The following RBM12 variants were observed in gnomAD, a reference collection of about 807,000 sequenced individuals.
RBM12 encodes the protein RNA-binding protein 12.
In RBM12, 24 loss-of-function variants were observed where a neutral mutation model predicts 37.2. That is an observed-to-expected ratio of 0.65 (90% confidence interval 0.47 to 0.91). The LOEUF (loss-of-function observed/expected upper bound fraction) is 0.91. RBM12 is among the 40% of genes least tolerant of loss of function. The probability of loss-of-function intolerance (pLI) is 0.00; values close to 1 mark genes in which losing one functional copy is unlikely to be tolerated. For synonymous variants in RBM12, 420 were observed against 425.2 expected, an observed-to-expected ratio of 0.99 and a Z score of 0.15; for missense variants, 1,061 against 1,183.2, an observed-to-expected ratio of 0.90 and a Z score of 1.52.
rs149705870 is a variant in RBM12 at position 35,653,873 on chromosome 20, A to G, written c.1450T>C (p.Tyr484His). 11 of 1,614,126 alleles carry G rather than the reference A, an allele frequency of 6.8e-6. No homozygotes were observed. The highest frequency in any genetic ancestry group is 3.3e-4 in the Middle Eastern group (2 of 6,062). The change falls in exon 3 of 3, where the codon TAT (tyrosine) becomes CAT (histidine). Residue 484 changes from tyrosine to histidine, a missense_variant. Physicochemically the swap from Tyr to His is moderately conservative, Grantham distance 83. Transcript: ENST00000374114. ...GFVEFRNEAD[Y>H]KAALCRHKQY... ...TTATGACGACACAGAGCAGCCTTAT[A>G]GTCAGCCTCATTTCTGAACTCTACA...
In RBM12 at chr20:35,652,685, G is replaced by C. The variant is rs2033603372; in HGVS notation, c.2638C>G (p.Gln880Glu). 6.2e-7 allele frequency: 1 copy of C among 1,614,092 alleles called. No individual in the cohort carries two copies. Among genetic ancestry groups the C allele is most frequent in the Non-Finnish European group, 8.5e-7 (1 of 1,179,932 alleles). The change falls in exon 3 of 3, where the codon CAA (glutamine) becomes GAA (glutamate). Residue 880 changes from glutamine to glutamate, a missense_variant. Physicochemically the swap from Gln to Glu is conservative, Grantham distance 29 (BLOSUM62 2). Around this residue, in one of 3 missense-constraint regions of RBM12, gnomAD observed 517 missense variants for 534.0 expected, o/e 0.97. Coordinates refer to ENST00000374114, the MANE Select transcript of RBM12 (RefSeq NM_006047.6). Reference sequence around the variant, plus strand: ...AAACACACTGAGCCTGGGATTACTTGATAGCCATAAAAGAAATCTAAAATC... The same window carrying C: ...AAACACACTGAGCCTGGGATTACTTCATAGCCATAAAAGAAATCTAAAATC... ...DEILDFFYGY[Q>E]VIPGSVCLKY...
chr20:35,661,860 G>C (rs945856988), intron 1 of RBM12, among the ~76,000 whole-genome samples: 1 of 152,114 alleles, frequency 6.6e-6, no homozygotes, highest in Non-Finnish European at 1.5e-5. Context: ...TAATCAACAA[G>C]AACCAGGGTA....
In RBM12 at chr20:35,650,360, A is replaced by T. The variant is rs2146335105; in HGVS notation, c.*2164T>A. On this transcript the variant is annotated 3_prime_UTR_variant, in exon 3 of 3. Coordinates refer to ENST00000374114, the MANE Select transcript of RBM12 (RefSeq NM_006047.6). ...TGAAATATTTAATAAGAATGTACGA[A>T]CATATAACCAAAATAAATTGTGAAA... The T allele has an allele frequency of 6.6e-6, 1 of 152,532 alleles. No homozygotes were observed. The highest frequency in any genetic ancestry group is 2.1e-4 in the South Asian group (1 of 4,830). 9.4% of individuals were successfully genotyped at this position (152,532 alleles called of 1,614,324 possible). A position where few individuals can be genotyped will look rare whatever the true frequency, so the allele number is the denominator to read the frequency against.
In RBM12 at chr20:35,655,012, C is replaced by T. The variant is rs1460035818; in HGVS notation, c.311G>A (p.Arg104Lys). 6.2e-7 allele frequency: 1 copy of T among 1,614,180 alleles called. No homozygotes were observed. The highest frequency in any genetic ancestry group is 1.1e-5 in the South Asian group (1 of 91,080). The part of the protein sequence containing the change: ...NLDIPPANAS[R>K]SGPPPSSGMS... ...TCCTGAGCTAGGTGGTGGTCCTGAT[C>T]TACTGGCATTTGCTGGTGGTATATC... Residue 104 changes from arginine to lysine, a missense_variant, in exon 3 of 3, where the codon AGA becomes AAA. Physicochemically the swap from Arg to Lys is conservative, Grantham distance 26. This residue lies in a region of RBM12 where 540 missense variants were observed against 632.7 expected (regional missense o/e 0.85). Coordinates refer to ENST00000374114, the MANE Select transcript of RBM12 (RefSeq NM_006047.6).
Position 35,661,431 on chromosome 20 carries a change from T to C in RBM12, c.-107-2417A>G, listed in dbSNP as rs576425162. Among the ~76,000 whole-genome samples the C allele has an allele frequency of 7.2e-5, 11 of 152,206 alleles. No homozygotes were observed. The South Asian group carries it at 1.9e-3, about 26-fold the overall frequency. On this transcript the variant is annotated intron_variant, in intron 1 of 2. Coordinates refer to ENST00000374114, the MANE Select transcript of RBM12 (RefSeq NM_006047.6). ...AAAATAATAACTAAACAATAAAACA[T>C]CTAAAATACATATTCTATCTATACA... is the stretch of plus-strand genomic sequence containing the variant.
rs748495688 is a variant in RBM12 at position 35,652,930 on chromosome 20, C to T, written c.2393G>A (p.Ser798Asn). 5 of 1,613,796 alleles carry T rather than the reference C, an allele frequency of 3.1e-6. No homozygotes were observed. The highest frequency in any genetic ancestry group is 4.2e-6 in the Non-Finnish European group (5 of 1,180,036). Reference protein sequence around the residue: ...GPQNFGNGPGSLGGPPGFGSG... With the variant: ...GPQNFGNGPGNLGGPPGFGSG... Reference sequence around the variant, plus strand: ...TCCAAACCCCGGGGGACCGCCTAAGCTACCAGGGCCATTTCCAAAATTCTG... The same window carrying T: ...TCCAAACCCCGGGGGACCGCCTAAGTTACCAGGGCCATTTCCAAAATTCTG... Residue 798 changes from serine (S) to asparagine (N), a missense_variant, in exon 3 of 3, where the codon AGC (serine) becomes AAC (asparagine). This residue lies in a region of RBM12 where 517 missense variants were observed against 534.0 expected (regional missense o/e 0.97). Coordinates refer to ENST00000374114, the MANE Select transcript of RBM12 (RefSeq NM_006047.6).
At position 35,654,497 on chromosome 20, in the gene RBM12, A is replaced by T. The variant is rs772913796; in HGVS notation, c.826T>A (p.Phe276Ile). The T allele has an allele frequency of 1.2e-6, 2 of 1,614,222 alleles. No individual in the cohort carries two copies. The highest frequency in any genetic ancestry group is 1.7e-6 in the Non-Finnish European group (2 of 1,180,038). Residue 276 changes from phenylalanine (F) to isoleucine (I), a missense_variant, in exon 3 of 3, where the codon TTT (phenylalanine) becomes ATT (isoleucine). Transcript: ENST00000374114. ...MNLNNNLNPM[F>I]LGPLNPVNPI... is the part of the protein sequence containing the mutation. ...TTAACAGGATTCAACGGACCAAGAA[A>T]CATAGGATTCAGATTATTGTTCAAA...
chr20:35,664,153 C>T (rs896467590), intron 1 of RBM12, among the ~76,000 whole-genome samples: 146 of 152,196 alleles, frequency 9.6e-4, no homozygotes, highest in African/African-American at 3.5e-3. Context: ...CAGCAATGGA[C>T]CTCGGAGGCA....
At chr20:35,660,963 G>A (rs2034201471) in intron 1 of RBM12, among the ~76,000 whole-genome samples, 1 of 152,172 alleles carries the variant, frequency 6.6e-6, no homozygotes, top group Non-Finnish European at 1.5e-5. Flanking sequence ...ACCTTTAAAA[G>A]GAAGATATTT....
chr20:35,652,784 C>A lies in RBM12; in HGVS notation c.2539G>T (p.Ala847Ser). Reference sequence around the variant, plus strand: ...GGTCCTGGTTTTCCAGAACTAGATGCAAAGCCAGGGGGACCACCAATATGG... The same window carrying A: ...GGTCCTGGTTTTCCAGAACTAGATGAAAAGCCAGGGGGACCACCAATATGG... ...PIHIGGPPGFASSSGKPGPTV... is the reference protein window; with the variant it reads ...PIHIGGPPGFSSSSGKPGPTV... Residue 847 changes from alanine to serine, a missense_variant, in exon 3 of 3, where the codon GCA becomes TCA. This residue lies in a region of RBM12 where 517 missense variants were observed against 534.0 expected (regional missense o/e 0.97). Transcript: ENST00000374114. 2 of 1,610,618 alleles carry A rather than the reference C, an allele frequency of 1.2e-6. No individual in the cohort carries two copies. The highest frequency in any genetic ancestry group is 1.7e-6 in the Non-Finnish European group (2 of 1,178,034).
chr20:35,657,562 T>C (rs932781287), intron 2 of RBM12, among the ~76,000 whole-genome samples: 2 of 152,136 alleles, frequency 1.3e-5, no homozygotes, highest in Non-Finnish European at 2.9e-5. Context: ...TAAAGTGACA[T>C]ACACAGTTAA....
rs760094299 is a variant in RBM12, at chr20:35,654,915, G to C, written c.408C>G (p.Ala136=). 1 of 1,614,118 alleles carries C rather than the reference G, an allele frequency of 6.2e-7. No individual in the cohort carries two copies. Among genetic ancestry groups the C allele is most frequent in the East Asian group, 2.2e-5 (1 of 44,892 alleles). Residue 136 remains alanine, a synonymous_variant, in exon 3 of 3, where the codon GCC becomes GCG. Transcript: ENST00000374114. ...FNNPSPSVVT[A]TTSVHESNKN... is the part of the protein sequence containing the mutation. ...TGTTGCTTTCATGAACAGAAGTGGTGGCAGTAACTACACTGGGTGATGGAT... is the reference window on the plus strand; with the variant it reads ...TGTTGCTTTCATGAACAGAAGTGGTCGCAGTAACTACACTGGGTGATGGAT...
intron 2 of RBM12, among the ~76,000 whole-genome samples, chr20:35,655,906 A>G (rs1439873146): frequency 6.6e-6 from 1 of 152,244 alleles, no homozygotes; most frequent in Non-Finnish European, 1.5e-5. Context: ...AGTAGATTCA[A>G]GTCTTAAATG....
At chr20:35,661,884 T>G (rs2034248824) in intron 1 of RBM12, among the ~76,000 whole-genome samples, 2 of 152,204 alleles carry the variant, frequency 1.3e-5, no homozygotes, top group Admixed American at 1.3e-4. Context: ...CAGAGCTAGG[T>G]TCTTCAGATC....
At position 35,655,116 on chromosome 20, in the gene RBM12, T is replaced by A. The variant is rs570849000; in HGVS notation, c.207A>T (p.Val69=). ...CCGTCTTACTACTCAACAATAGTGTTACTTTTGACCCTTTAATTGTACCAC... is the reference window on the plus strand; with the variant it reads ...CCGTCTTACTACTCAACAATAGTGTAACTTTTGACCCTTTAATTGTACCAC... ...RTGGTIKGSK[V]TLLLSSKTEM... is the part of the protein sequence containing the mutation. Residue 69 remains valine, a synonymous_variant, in exon 3 of 3, where the codon GTA becomes GTT. Coordinates refer to ENST00000374114, the MANE Select transcript of RBM12 (RefSeq NM_006047.6). 3.5e-5 allele frequency: 57 copies of A among 1,614,210 alleles called. 2 individuals are homozygous for A. In the South Asian group the frequency reaches 5.4e-4, roughly 15 times the overall value.
Position 35,652,818 on chromosome 20 carries a change from AGGGCCGGGGCCGGGGCCG to A in RBM12, c.2487_2504del (p.Gly832_Pro837del). 6.2e-7 allele frequency: 1 copy of A among 1,602,570 alleles called. No individual in the cohort carries two copies. Among genetic ancestry groups the A allele is most frequent in the Non-Finnish European group, 8.5e-7 (1 of 1,174,128 alleles). On this transcript the variant is annotated inframe_deletion, in exon 3 of 3. Transcript: ENST00000374114. Reference sequence around the variant, plus strand: ...GGGGACCACCAATATGGATTGGGCCAGGGCCGGGGCCGGGGCCGGGGCCAGGCCCAAAAGCTGGTGGCC... The same window carrying A: ...GGGGACCACCAATATGGATTGGGCCAGGGCCAGGCCCAAAAGCTGGTGGCC...
rs1555879551 is a variant in RBM12, at chr20:35,650,535, ATTAACT to A, written c.*1983_*1988del. ...TTGGAATGAGAAATGATTACTTAAC[ATTAACT>A]TAAATTAAACAGCATATACAAACGT... On this transcript the variant is annotated 3_prime_UTR_variant, in exon 3 of 3. Coordinates refer to ENST00000374114, the MANE Select transcript of RBM12 (RefSeq NM_006047.6). The A allele has an allele frequency of 6.6e-6, 1 of 152,576 alleles. No homozygotes were observed. Among genetic ancestry groups the A allele is most frequent in the Non-Finnish European group, 1.5e-5 (1 of 67,980 alleles). 9.5% of individuals were successfully genotyped at this position (152,576 alleles called of 1,614,324 possible).
At position 35,653,387 on chromosome 20, in the gene RBM12, T is replaced by C; in HGVS notation, c.1936A>G (p.Asn646Asp). 1.2e-6 allele frequency: 2 copies of C among 1,614,182 alleles called. No individual in the cohort carries two copies. Among genetic ancestry groups the C allele is most frequent in the Non-Finnish European group, 1.7e-6 (2 of 1,180,008 alleles). The change falls in exon 3 of 3, where the codon AAT becomes GAT. Residue 646 changes from asparagine to aspartate, a missense_variant. Physicochemically the swap from Asn to Asp is conservative, Grantham distance 23. Transcript: ENST00000374114. Reference protein sequence around the residue: ...KKGLKMPVPGNPAVPGMPNAG... With the variant: ...KKGLKMPVPGDPAVPGMPNAG... ...TTGGGCATTCCTGGAACTGCAGGATTACCTGGCACAGGCATCTTTAATCCC... is the reference window on the plus strand; with the variant it reads ...TTGGGCATTCCTGGAACTGCAGGATCACCTGGCACAGGCATCTTTAATCCC...
At chr20:35,662,009 C>T (rs1408899506) in intron 1 of RBM12, among the ~76,000 whole-genome samples, 1 of 152,154 alleles carries the variant, frequency 6.6e-6, no homozygotes, top group African/African-American at 2.4e-5. Flanking sequence ...TATGAAACAA[C>T]CACAGTTTCA....
Sources: allele counts gnomAD v4.1 joint callset (sites outside exome capture counted in the v4.1 genomes callset), GRCh38; gene constraint gnomAD v4.1.1; regional missense constraint gnomAD v4.1.1; transcripts MANE v1.5; gene names NCBI Gene and HGNC (gene_info 2026-07-23, HGNC 2026-07-21).